MTUS2: variants seen among roughly 807,000 people sequenced by gnomAD.
MTUS2 encodes microtubule-associated tumor suppressor candidate 2.
MTUS2 carries 40 observed loss-of-function variants against 114.1 expected under a neutral mutation model. That is an observed-to-expected ratio of 0.35 (90% CI 0.27 to 0.46). The LOEUF is 0.46. MTUS2 is among the 20% of genes least tolerant of loss of function. The probability of loss-of-function intolerance (pLI) is 1.00; values close to 1 mark genes in which losing one functional copy is unlikely to be tolerated. For missense variants in MTUS2, 1,679 were observed against 1,705.4 expected (o/e 0.98, Z 0.27); for synonymous variants, 688 against 672.0 (o/e 1.02, Z -0.37).
At chr13:29,213,917 C>T (rs1157612329) in intron 5 of MTUS2, among the ~76,000 whole-genome samples, 1 of 151,920 alleles carries the variant, frequency 6.6e-6, no homozygotes, top group African/African-American at 2.4e-5. Context: ...CTCCTTTTGG[C>T]ACTGAATAGT....
chr13:29,017,477 A>G (rs1372257437), intron 2 of MTUS2, among the ~76,000 whole-genome samples: 2 of 152,226 alleles, frequency 1.3e-5, no homozygotes, highest in Non-Finnish European at 2.9e-5. Flanking sequence ...CGTACTTCTC[A>G]ATCTTTCGAA....
intron 2 of MTUS2, among the ~76,000 whole-genome samples, chr13:28,905,643 G>C (rs1335147095): frequency 6.6e-6 from 1 of 151,498 alleles, no homozygotes; most frequent in South Asian, 2.1e-4. Context: ...ATGTGCTGCT[G>C]GATTCAGTTT....
At chr13:29,424,508 A>T (rs1165389348) in intron 8 of MTUS2, among the ~76,000 whole-genome samples, 2 of 152,216 alleles carry the variant, frequency 1.3e-5, no homozygotes, top group African/African-American at 4.8e-5. Context: ...TAACAAATGA[A>T]GCCATTATAT....
intron 2 of MTUS2, among the ~76,000 whole-genome samples, chr13:29,016,335 T>G (rs181003890): frequency 6.6e-6 from 1 of 151,858 alleles, no homozygotes; most frequent in African/African-American, 2.4e-5. Flanking sequence ...CTGGGTGGAA[T>G]TCTCCCCTGG....
At chr13:29,048,605 A>T (rs1887743612) in intron 4 of MTUS2, among the ~76,000 whole-genome samples, 1 of 152,162 alleles carries the variant, frequency 6.6e-6, no homozygotes, top group Admixed American at 6.5e-5. Context: ...AGTAACTAGG[A>T]CTATAGGCAT....
intron 1 of MTUS2, among the ~76,000 whole-genome samples, chr13:28,828,974 T>C (rs1439111452): frequency 3.9e-5 from 6 of 152,222 alleles, no homozygotes; most frequent in Non-Finnish European, 7.3e-5. Flanking sequence ...TAATATATTA[T>C]TTATCTTGGA....
intron 5 of MTUS2, among the ~76,000 whole-genome samples, chr13:29,209,497 T>C (rs1895333587): frequency 6.6e-6 from 1 of 152,128 alleles, no homozygotes; most frequent in African/African-American, 2.4e-5. Flanking sequence ...TGTTGTTTTT[T>C]TTTTTCATTG....
intron 4 of MTUS2, among the ~76,000 whole-genome samples, chr13:29,048,802 G>A (rs1887754006): frequency 6.6e-6 from 1 of 152,156 alleles, no homozygotes; most frequent in Non-Finnish European, 1.5e-5. Flanking sequence ...GTGGGGTCTT[G>A]CTGTGTTGCT....
chr13:28,866,372 G>A lies in MTUS2; in HGVS notation c.-243+26522G>A, dbSNP rs183738574. The stretch of plus-strand genomic sequence containing the variant: ...TTCCTGACTTTCAAGTAGTTGGTAA[G>A]CACAAATGCTTATACAGGTGTCCAC... On this transcript the variant is annotated intron_variant, in intron 2 of 15. Transcript: ENST00000612955. 2.2e-3 allele frequency among the ~76,000 whole-genome samples: 329 copies of A among 152,276 alleles called. 2 individuals are homozygous for A. Among genetic ancestry groups the A allele is most frequent in the African/African-American group, 7.3e-3 (304 of 41,564 alleles).
At chr13:29,233,359 ATGAT>A (rs1409564568) in intron 5 of MTUS2, among the ~76,000 whole-genome samples, 1 of 151,898 alleles carries the variant, frequency 6.6e-6, no homozygotes, top group Non-Finnish European at 1.5e-5. Flanking sequence ...ACCAGGGGGG[ATGAT>A]CACACTGACC....
intron 8 of MTUS2, among the ~76,000 whole-genome samples, chr13:29,402,108 A>T (rs1874393898): frequency 6.6e-6 from 1 of 152,096 alleles, no homozygotes. Flanking sequence ...GCATTTCTGG[A>T]TATGAAGTCT....
intron 4 of MTUS2, among the ~76,000 whole-genome samples, chr13:29,058,528 C>A (rs116886824): frequency 0.015 from 1,982 of 134,746 alleles, 29 homozygotes; most frequent in Non-Finnish European, 0.023. Flanking sequence ...GAGAACTGGT[C>A]TTTGAACTCT....
At chr13:29,155,116 T>A (rs976561794) in intron 5 of MTUS2, among the ~76,000 whole-genome samples, 2 of 152,184 alleles carry the variant, frequency 1.3e-5, no homozygotes, top group African/African-American at 4.8e-5. Context: ...ATTCTCATGG[T>A]TAGGAAGGTT....
At chr13:29,243,009 C>A (rs1245339415) in intron 5 of MTUS2, among the ~76,000 whole-genome samples, 2 of 152,094 alleles carry the variant, frequency 1.3e-5, no homozygotes, top group African/African-American at 4.8e-5. Flanking sequence ...AATAATAGTT[C>A]TTAAAATGCA....
chr13:29,098,146 T>C (rs1890254536), intron 4 of MTUS2, among the ~76,000 whole-genome samples: 1 of 152,176 alleles, frequency 6.6e-6, no homozygotes. Context: ...ATGCAGAGAC[T>C]AGTTGAGATA....
chr13:29,197,588 C>G (rs995564139), intron 5 of MTUS2, among the ~76,000 whole-genome samples: 3 of 151,994 alleles, frequency 2.0e-5, no homozygotes, highest in Admixed American at 6.6e-5. Flanking sequence ...GTAATGGGAT[C>G]GCTGGGTCAA....
intron 2 of MTUS2, among the ~76,000 whole-genome samples, chr13:28,888,419 CTTTT>C (rs11447851): frequency 1.5e-5 from 2 of 135,792 alleles, no homozygotes; most frequent in Non-Finnish European, 1.6e-5. Context: ...CTCTTGGCAT[CTTTT>C]TTTTTTTTTT....
At chr13:29,362,976 C>T (rs9508411) in intron 8 of MTUS2, among the ~76,000 whole-genome samples, 47,558 of 152,062 alleles carry the variant, frequency 0.31, 7,536 homozygotes, top group Middle Eastern at 0.38. Flanking sequence ...AGCAGCCTCA[C>T]ACTTGTGCTG....
intron 8 of MTUS2, among the ~76,000 whole-genome samples, chr13:29,418,649 A>G (rs1875853788): frequency 6.6e-6 from 1 of 152,146 alleles, no homozygotes; most frequent in Admixed American, 6.5e-5. Context: ...CCGCTTCCCT[A>G]GGGTTCAGAT....
Sources: allele counts gnomAD v4.1 joint callset (sites outside exome capture counted in the v4.1 genomes callset), GRCh38; gene constraint gnomAD v4.1.1; transcripts MANE v1.5; gene names NCBI Gene and HGNC (gene_info 2026-07-23, HGNC 2026-07-21).